The following HMCN1 variants were observed in gnomAD, a reference collection of about 807,000 sequenced individuals.
HMCN1 encodes hemicentin-1.
HMCN1 carries 321 observed loss-of-function variants against 625.9 expected under a neutral mutation model. That is an observed-to-expected ratio of 0.51 (90% CI 0.47 to 0.56). The LOEUF (loss-of-function observed/expected upper bound fraction) is 0.56, where lower values mean the gene tolerates loss of function less well. HMCN1 is among the 20% of genes least tolerant of loss of function. The pLI is 0.00. For missense variants in HMCN1, 6,588 were observed against 6,887.3 expected, an observed-to-expected ratio of 0.96 and a Z score of 1.54; for synonymous variants, 2,425 against 2,417.6, an observed-to-expected ratio of 1.00 and a Z score of -0.09.
At chr1:185,795,875 T>C (rs773168214) in intron 1 of HMCN1, among the ~76,000 whole-genome samples, 1 of 152,234 alleles carries the variant, frequency 6.6e-6, no homozygotes, top group Non-Finnish European at 1.5e-5. Context: ...ACATAGCAGA[T>C]ACGTGCTAAA....
At chr1:186,076,762 C>A (rs1414824932) in intron 54 of HMCN1, 140 bp downstream of exon 54, 2 of 774,196 alleles carry the variant, frequency 2.6e-6, no homozygotes, top group African/African-American at 1.7e-5. Context: ...CACTGGCATC[C>A]ACGTAGCTTC....
At chr1:185,891,983 C>T (rs1665124946) in intron 4 of HMCN1, among the ~76,000 whole-genome samples, 1 of 151,286 alleles carries the variant, frequency 6.6e-6, no homozygotes, top group Non-Finnish European at 1.5e-5. Flanking sequence ...CACATAGTCC[C>T]ACATTTCTTG....
intron 46 of HMCN1, among the ~76,000 whole-genome samples, chr1:186,060,574 A>G (rs1207935107): frequency 6.6e-6 from 1 of 152,118 alleles, no homozygotes; most frequent in East Asian, 1.9e-4. Context: ...TCTTGGATGA[A>G]TATTTCTTCA....
chr1:185,807,421 A>G (rs546273612), intron 1 of HMCN1, among the ~76,000 whole-genome samples: 61 of 152,358 alleles, frequency 4.0e-4, no homozygotes, highest in Non-Finnish European at 7.1e-4. Context: ...GCAAACTAGC[A>G]TATTCACATG....
chr1:186,077,974 C>T (rs1430813541), intron 54 of HMCN1, 133 bp from the exon 55 acceptor site: 3 of 684,794 alleles, frequency 4.4e-6, no homozygotes, highest in South Asian at 1.7e-5. Flanking sequence ...GAGATTAAAA[C>T]TGAACCATTG....
intron 8 of HMCN1, among the ~76,000 whole-genome samples, chr1:185,923,883 T>C (rs1354250405): frequency 6.6e-6 from 1 of 152,232 alleles, no homozygotes; most frequent in Non-Finnish European, 1.5e-5. Context: ...GAATTTTGAT[T>C]AGTCAGTGTA....
At chr1:185,991,327 A>T (rs1169973715) in intron 22 of HMCN1, among the ~76,000 whole-genome samples, 1 of 152,200 alleles carries the variant, frequency 6.6e-6, no homozygotes, top group Non-Finnish European at 1.5e-5. Flanking sequence ...TTTGAAAAAA[A>T]TATTTGTTTT....
intron 1 of HMCN1, among the ~76,000 whole-genome samples, chr1:185,836,785 C>T (rs1661196203): frequency 6.6e-6 from 1 of 151,854 alleles, no homozygotes; most frequent in South Asian, 2.1e-4. Context: ...CTCTTCCCAC[C>T]CTCCACCTTC....
intron 22 of HMCN1, among the ~76,000 whole-genome samples, chr1:185,992,251 C>T (rs1424863264): frequency 6.6e-6 from 1 of 152,136 alleles, no homozygotes; most frequent in South Asian, 2.1e-4. Flanking sequence ...TTTTGTTGTA[C>T]AGAAGGTTTC....
chr1:185,885,853 T>C (rs1007263118), intron 4 of HMCN1, among the ~76,000 whole-genome samples: 1 of 152,092 alleles, frequency 6.6e-6, no homozygotes, highest in Non-Finnish European at 1.5e-5. Flanking sequence ...TCTTTTCTGC[T>C]ATGCCAGTAA....
rs142062263 is a variant in HMCN1 at position 186,166,919 on chromosome 1, C to T, written c.15551C>T (p.Thr5184Ile). ...CGTTGTGGAAGTGGCTTTCGAAGAA[C>T]CTCTGATGGGCTGAGTTGTCAAGGT... The part of the protein sequence containing the change: ...VVRCGSGFRR[T>I]SDGLSCQDIN... The change falls in exon 100 of 107, where the codon ACC becomes ATC. Residue 5184 changes from threonine to isoleucine, a missense_variant. Physicochemically the swap from Thr to Ile is moderately conservative, Grantham distance 89. Around this residue, in one of 3 missense-constraint regions of HMCN1, gnomAD observed 1,954 missense variants for 2,013.1 expected, o/e 0.97. Coordinates refer to ENST00000271588, the MANE Select transcript of HMCN1 (RefSeq NM_031935.3). 2.5e-6 allele frequency: 4 copies of T among 1,614,022 alleles called. No homozygotes were observed. In the African/African-American group the frequency reaches 4.0e-5, roughly 16 times the overall value.
intron 1 of HMCN1, among the ~76,000 whole-genome samples, chr1:185,782,473 A>T (rs886358993): frequency 6.6e-6 from 1 of 152,180 alleles, no homozygotes; most frequent in African/African-American, 2.4e-5. Context: ...ATGTCTTTGC[A>T]GTGGTTGGTA....
In HMCN1 at chr1:186,172,053, A is replaced by G. The variant is rs771786182; in HGVS notation, c.15736A>G (p.Lys5246Glu). Residue 5246 changes from lysine to glutamate, a missense_variant, in exon 102 of 107, where the codon AAG becomes GAG. Lys to Glu is a moderately conservative substitution (Grantham distance 56). Around this residue, in one of 3 missense-constraint regions of HMCN1, gnomAD observed 1,954 missense variants for 2,013.1 expected, o/e 0.97. Transcript: ENST00000271588. ...QNVCRPDQHC[K>E]NTRGGYKCID... ...TGTATGCAGACCAGATCAGCACTGT[A>G]AGAACACCCGTGGTGGCTATAAGTG... is the stretch of plus-strand genomic sequence containing the variant. 4.3e-6 allele frequency: 7 copies of G among 1,613,784 alleles called. No individual in the cohort carries two copies. The South Asian group carries it at 6.6e-5, about 15-fold the overall frequency.
Position 186,001,444 on chromosome 1 carries a change from C to G in HMCN1, c.4200+16C>G. The G allele has an allele frequency of 6.2e-7, 1 of 1,611,626 alleles. No homozygotes were observed. The highest frequency in any genetic ancestry group is 1.7e-4 in the Middle Eastern group (1 of 6,056). On this transcript the variant is annotated intron_variant, in intron 27 of 106. Coordinates refer to ENST00000271588, the MANE Select transcript of HMCN1 (RefSeq NM_031935.3). ...TAATGTCCAGGTAAATAGAGTCATC[C>G]AAATACGTGTAATTCCTTGCCTCTG...
intron 4 of HMCN1, among the ~76,000 whole-genome samples, chr1:185,880,073 G>T (rs1332937418): frequency 6.6e-6 from 1 of 152,110 alleles, no homozygotes; most frequent in Non-Finnish European, 1.5e-5. Flanking sequence ...AGATATATGG[G>T]GTGCAGGATA....
chr1:186,093,219 G>A lies in HMCN1; in HGVS notation c.9973G>A (p.Ala3325Thr), dbSNP rs543118353. The A allele has an allele frequency of 2.7e-5, 43 of 1,613,284 alleles. No individual in the cohort carries two copies. The highest frequency in any genetic ancestry group is 2.6e-4 in the South Asian group (24 of 91,070). ...ATACACATGTGTTGCTACTAATCCC[G>A]CTGGAGAAGAAGACCGAATTTTTAA... ...GKYTCVATNP[A>T]GEEDRIFNLN... Residue 3325 changes from alanine to threonine, a missense_variant, in exon 65 of 107, where the codon GCT becomes ACT. By Grantham distance (58) the Ala-to-Thr change is moderately conservative (BLOSUM62 0). Transcript: ENST00000271588.
intron 1 of HMCN1, among the ~76,000 whole-genome samples, chr1:185,762,167 A>G (rs1321674): frequency 0.039 from 5,863 of 152,272 alleles, 327 homozygotes; most frequent in African/African-American, 0.13. Context: ...TCTAGCCTAC[A>G]TTTCAATTCT....
At chr1:186,185,777 T>C (rs1028831177) in intron 105 of HMCN1, among the ~76,000 whole-genome samples, 1 of 152,230 alleles carries the variant, frequency 6.6e-6, no homozygotes, top group African/African-American at 2.4e-5. Context: ...TACTGTACAA[T>C]GACATCGTAG....
At chr1:186,133,923 AATGTTAAT>A (rs1649400243) in intron 86 of HMCN1, among the ~76,000 whole-genome samples, 1 of 152,064 alleles carries the variant, frequency 6.6e-6, no homozygotes, top group Non-Finnish European at 1.5e-5. Context: ...ATTTTCCAGA[AATGTTAAT>A]ATGTTGGTGT....
Sources: allele counts gnomAD v4.1 joint callset (sites outside exome capture counted in the v4.1 genomes callset), GRCh38; gene constraint gnomAD v4.1.1; regional missense constraint gnomAD v4.1.1; transcripts MANE v1.5; gene names NCBI Gene and HGNC (gene_info 2026-07-23, HGNC 2026-07-21).